Variants in TFEB observed in about 807,000 individuals in gnomAD.
TFEB encodes the protein T-cell transcription factor EB.
In TFEB, 12 loss-of-function variants were observed where a neutral mutation model predicts 48.0. The observed-to-expected ratio is 0.25, with a 90% CI of 0.16 to 0.40. The LOEUF (loss-of-function observed/expected upper bound fraction) is 0.40, where lower values mean the gene tolerates loss of function less well. Ranked by LOEUF, TFEB falls within the 10% of genes least tolerant of loss-of-function variation. TFEB has a pLI of 1.00. For synonymous variants in TFEB, 244 were observed against 261.4 expected, an observed-to-expected ratio of 0.93 and a Z score of 0.64; for missense variants, 509 against 640.3, an observed-to-expected ratio of 0.79 and a Z score of 2.21.
Position 41,715,121 on chromosome 6 carries a change from C to T in TFEB, c.-23+20229G>A, listed in dbSNP as rs187276098. 2.4e-3 allele frequency among the ~76,000 whole-genome samples: 365 copies of T among 152,280 alleles called. 1 individual carries two copies. The highest frequency in any genetic ancestry group is 5.0e-3 in the South Asian group (24 of 4,834). ...TGGCCTCCAACCAGGGCCTCCCCCA[C>T]GCTCCCAGATAGTACCCAAGGCACC... On this transcript the variant is annotated intron_variant, in intron 1 of 8. Transcript: ENST00000373033.
intron 6 of TFEB, 158 bp downstream of exon 6, chr6:41,687,595 C>T (rs1769076406): frequency 1.2e-6 from 1 of 869,122 alleles, no homozygotes; most frequent in Non-Finnish European, 1.9e-6. Flanking sequence ...TCCCAGGCAC[C>T]ACTGAGCGAC....
At chr6:41,726,862 T>G (rs1231622990) in intron 1 of TFEB, among the ~76,000 whole-genome samples, 3 of 152,234 alleles carry the variant, frequency 2.0e-5, no homozygotes, top group African/African-American at 7.2e-5. Flanking sequence ...ATAGATACAG[T>G]ATTTTCTTCC....
Position 41,691,494 on chromosome 6 carries a change from CTAAGA to C in TFEB, c.-22-264_-22-260del. On this transcript the variant is annotated intron_variant, in intron 1 of 8. Transcript: ENST00000373033. The surrounding 1 kb of genome is among the most constrained non-coding windows in gnomAD (Gnocchi z 5.2). The stretch of plus-strand genomic sequence containing the variant: ...CATTGCAGTTGGTAAATCCCAAACT[CTAAGA>C]GTCAACTTCCACTCCTCTCTGTGTC... 1.5e-6 allele frequency: 1 copy of C among 670,956 alleles called. No homozygotes were observed. Among genetic ancestry groups the C allele is most frequent in the East Asian group, 2.8e-5 (1 of 36,206 alleles). 41.6% of individuals were successfully genotyped at this position (670,956 alleles called of 1,614,324 possible).
Position 41,734,667 on chromosome 6 carries a change from C to T in TFEB, c.-23+683G>A, listed in dbSNP as rs1771596565. On this transcript the variant is annotated intron_variant, in intron 1 of 8. Transcript: ENST00000373033. This position sits in a 1 kb window ranked among gnomAD's most constrained non-coding sequence, Gnocchi z 4.0. ...GGGAGCGCTCCGGGGTTGGTGTTCCCCAGGGTCATAGAATAACCCACGGGG... is the reference window on the plus strand; with the variant it reads ...GGGAGCGCTCCGGGGTTGGTGTTCCTCAGGGTCATAGAATAACCCACGGGG... Among the ~76,000 whole-genome samples, 1 of 151,748 alleles carries T rather than the reference C, an allele frequency of 6.6e-6. No homozygotes were observed. Among genetic ancestry groups the T allele is most frequent in the South Asian group, 2.1e-4 (1 of 4,818 alleles).
At chr6:41,696,263 T>C (rs1348674272) in intron 1 of TFEB, among the ~76,000 whole-genome samples, 1 of 152,182 alleles carries the variant, frequency 6.6e-6, no homozygotes, top group East Asian at 1.9e-4. Context: ...ACACACTCCA[T>C]GACCCATGGA....
intron 1 of TFEB, among the ~76,000 whole-genome samples, chr6:41,732,271 G>T (rs1771485056): frequency 6.6e-6 from 1 of 152,128 alleles, no homozygotes; most frequent in South Asian, 2.1e-4. Flanking sequence ...TAGGGACTGA[G>T]AACACAGACT....
rs922835506 is a variant in TFEB at position 41,735,397 on chromosome 6, G to A, written c.-70C>T. On this transcript the variant is annotated 5_prime_UTR_variant, in exon 1 of 9. Transcript: ENST00000373033. ...CCGCCGCCCGCGCCCCGCGGCTCCG[G>A]CAACTTGTCGCAAGTTCGGGTGCCT... The A allele has an allele frequency of 1.3e-5, 13 of 985,718 alleles. No individual in the cohort carries two copies. The highest frequency in any genetic ancestry group is 1.1e-4 in the East Asian group (1 of 8,832). The allele number at this position is 985,718 out of a possible 1,614,324, so 61.1% of individuals were successfully genotyped here.
rs1291592288 is a variant in TFEB at position 41,723,480 on chromosome 6, T to A, written c.-23+11870A>T. The stretch of plus-strand genomic sequence containing the variant: ...TCATACCTTCGAGAGGGCAGCCCCC[T>A]GGAAGGAGGCCCCTGGAATGCTCAG... On this transcript the variant is annotated intron_variant, in intron 1 of 8. Transcript: ENST00000373033. This position sits in a 1 kb window ranked among gnomAD's most constrained non-coding sequence, Gnocchi z 6.0. 4.7e-6 allele frequency: 6 copies of A among 1,289,038 alleles called. No homozygotes were observed. The highest frequency in any genetic ancestry group is 2.3e-5 in the Admixed American group (1 of 43,524). The allele number at this position is 1,289,038 out of a possible 1,614,324, so 79.9% of individuals were successfully genotyped here. A position where few individuals can be genotyped will look rare whatever the true frequency, so the allele number is the denominator to read the frequency against.
At chr6:41,688,723 C>G (rs751574366) in intron 4 of TFEB, among the ~76,000 whole-genome samples, 1 of 152,168 alleles carries the variant, frequency 6.6e-6, no homozygotes, top group Non-Finnish European at 1.5e-5. Context: ...ATCCTCCCTC[C>G]CTCCTCAGCC....
chr6:41,736,119 T>A, upstream of TFEB: 1 of 1,612,856 alleles, frequency 6.2e-7, no homozygotes, highest in Non-Finnish European at 8.5e-7. Context: ...GCCCCCATTA[T>A]GGGTTCTACA....
intron 1 of TFEB, among the ~76,000 whole-genome samples, chr6:41,704,883 G>GGAGGC (rs1770124287): frequency 6.6e-6 from 1 of 152,238 alleles, no homozygotes; most frequent in African/African-American, 2.4e-5. Context: ...ATGCAAGGCT[G>GGAGGC]CAGGTGGGCT....
rs532090542 is a variant in TFEB at position 41,731,774 on chromosome 6, C to T, written c.-23+3576G>A. Among the ~76,000 whole-genome samples, 13 of 152,340 alleles carry T rather than the reference C, an allele frequency of 8.5e-5. No individual in the cohort carries two copies. In the East Asian group the frequency reaches 2.3e-3, roughly 27 times the overall value. ...AGGGCCTGCTGAGGGCTGCACTGTA[C>T]GTTAATGGACGTGGAATGCATGGCA... On this transcript the variant is annotated intron_variant, in intron 1 of 8. Coordinates refer to ENST00000373033, the MANE Select transcript of TFEB (RefSeq NM_001271944.2).
chr6:41,702,820 G>A (rs577660336), intron 1 of TFEB, among the ~76,000 whole-genome samples: 38 of 152,316 alleles, frequency 2.5e-4, no homozygotes, highest in African/African-American at 8.7e-4. Flanking sequence ...GACCTGCATC[G>A]GTATGCACCA....
At chr6:41,689,705 A>G (rs1423260784) in intron 4 of TFEB, 26 bp downstream of exon 4, 1 of 1,601,388 alleles carries the variant, frequency 6.2e-7, no homozygotes. Flanking sequence ...ACCCTTGCAC[A>G]CCCACCCCAC....
At chr6:41,733,678 G>C in intron 1 of TFEB, 2 of 985,294 alleles carry the variant, frequency 2.0e-6, no homozygotes, top group Non-Finnish European at 2.4e-6. Context: ...AGGTTAGCAG[G>C]CAGGGACCTC....
intron 1 of TFEB, chr6:41,732,637 T>A: frequency 1.0e-6 from 1 of 985,682 alleles, no homozygotes; most frequent in Non-Finnish European, 1.2e-6. Context: ...GAAAGCAACA[T>A]CATGTACTCA....
At chr6:41,687,195 G>C in intron 6 of TFEB, 26 bp from the exon 7 acceptor site, 1 of 1,612,374 alleles carries the variant, frequency 6.2e-7, no homozygotes. Flanking sequence ...TCCAGAAGGA[G>C]CAATTAGAGG....
At position 41,716,677 on chromosome 6, in the gene TFEB, C is replaced by T. The variant is rs1162005228; in HGVS notation, c.-23+18673G>A. Among the ~76,000 whole-genome samples, 6 of 152,302 alleles carry T rather than the reference C, an allele frequency of 3.9e-5. No individual in the cohort carries two copies. In the East Asian group the frequency reaches 9.6e-4, roughly 24 times the overall value. On this transcript the variant is annotated intron_variant, in intron 1 of 8. Transcript: ENST00000373033. The stretch of plus-strand genomic sequence containing the variant: ...AAAGGAGTAGCCCCTGCCACCCCCA[C>T]CCCCTTTAGTGCTGGCTGCACCAGA...
At chr6:41,727,116 G>T (rs1350190650) in intron 1 of TFEB, among the ~76,000 whole-genome samples, 1 of 152,174 alleles carries the variant, frequency 6.6e-6, no homozygotes, top group Non-Finnish European at 1.5e-5. Context: ...TGGGTAGGGG[G>T]TTGCGTCAGG....
Sources: allele counts gnomAD v4.1 joint callset (sites outside exome capture counted in the v4.1 genomes callset), GRCh38; gene constraint gnomAD v4.1.1; non-coding constraint Gnocchi (gnomAD v3.1); transcripts MANE v1.5; gene names NCBI Gene and HGNC (gene_info 2026-07-23, HGNC 2026-07-21).